Variants in CALD1 observed in about 807,000 individuals in gnomAD.
CALD1 encodes caldesmon 1, also known as caldesmon.
CALD1 carries 33 observed loss-of-function variants against 99.9 expected under a neutral mutation model. The ratio of observed to expected loss-of-function variants is 0.33; its 90% CI spans 0.25 to 0.44. The LOEUF (loss-of-function observed/expected upper bound fraction) is 0.44. CALD1 is among the 20% of genes least tolerant of loss of function. CALD1 has a pLI of 1.00. For synonymous variants in CALD1, 310 were observed against 325.0 expected (o/e 0.95, Z 0.50); for missense variants, 861 against 962.1 (o/e 0.89, Z 1.39).
chr7:134,941,245 G>T lies in CALD1; in HGVS notation c.1532+8G>T. 1 of 1,574,404 alleles carries T rather than the reference G, an allele frequency of 6.4e-7. No homozygotes were observed. Among genetic ancestry groups the T allele is most frequent in the South Asian group, 1.2e-5 (1 of 84,328 alleles). ...TACTGAGAATACTTTCAGGTAAGAA[G>T]TAGCAACTAGTTAATAGAAACTGTG... On this transcript the variant is annotated splice_region_variant and intron_variant, in intron 7 of 14. Transcript: ENST00000361675.
chr7:134,918,100 A>C (rs1214802696), intron 3 of CALD1, among the ~76,000 whole-genome samples: 2 of 152,250 alleles, frequency 1.3e-5, no homozygotes, highest in Non-Finnish European at 2.9e-5. Flanking sequence ...AGTTTATCTT[A>C]GGAAACTGTC....
intron 1 of CALD1, among the ~76,000 whole-genome samples, chr7:134,814,112 G>T (rs1199078023): frequency 6.6e-6 from 1 of 152,096 alleles, no homozygotes. Context: ...AACAAGGAGG[G>T]GTAGAGGATA....
At chr7:134,761,107 G>T (rs1455795535) in intron 1 of CALD1, among the ~76,000 whole-genome samples, 1 of 152,168 alleles carries the variant, frequency 6.6e-6, no homozygotes, top group Non-Finnish European at 1.5e-5. Flanking sequence ...ACCAGTCAGA[G>T]ATAAATCATT....
chr7:134,865,375 CATACCACA>C, intron 2 of CALD1, among the ~76,000 whole-genome samples: 1 of 152,076 alleles, frequency 6.6e-6, no homozygotes, highest in African/African-American at 2.4e-5. Flanking sequence ...CACCGAGAGT[CATACCACA>C]TGGTACACAG....
At chr7:134,860,570 G>C (rs978616595) in intron 2 of CALD1, among the ~76,000 whole-genome samples, 11 of 152,202 alleles carry the variant, frequency 7.2e-5, no homozygotes, top group African/African-American at 2.2e-4. Flanking sequence ...TAGAAATCCA[G>C]TGGCTCAAAT....
chr7:134,716,402 A>G, the CALD1 span, among the ~76,000 whole-genome samples: 1 of 152,218 alleles, frequency 6.6e-6, no homozygotes, highest in African/African-American at 2.4e-5. Flanking sequence ...TGAAATTTTG[A>G]TAGCTCCAGT....
chr7:134,773,642 C>T (rs1041767307), intron 1 of CALD1, among the ~76,000 whole-genome samples: 12 of 152,096 alleles, frequency 7.9e-5, no homozygotes, highest in African/African-American at 1.4e-4. Flanking sequence ...CATACACAAG[C>T]GTTCTTTTCT....
intron 7 of CALD1, among the ~76,000 whole-genome samples, chr7:134,945,474 T>C (rs1476828598): frequency 1.3e-5 from 2 of 152,218 alleles, no homozygotes; most frequent in Non-Finnish European, 2.9e-5. Flanking sequence ...GTACAACTAA[T>C]AGATAAGCAT....
chr7:134,757,347 TAC>T (rs1206171079), intron 1 of CALD1, among the ~76,000 whole-genome samples: 1 of 152,194 alleles, frequency 6.6e-6, no homozygotes, highest in Non-Finnish European at 1.5e-5. Flanking sequence ...TTCCATTCTC[TAC>T]GTTTCTCTAT....
intron 3 of CALD1, among the ~76,000 whole-genome samples, chr7:134,897,025 T>A (rs1802622124): frequency 6.6e-6 from 1 of 152,202 alleles, no homozygotes; most frequent in Non-Finnish European, 1.5e-5. Context: ...ACAATGAAGG[T>A]CTTGGAAACA....
chr7:134,826,284 A>G (rs1432711509), intron 1 of CALD1, among the ~76,000 whole-genome samples: 1 of 152,154 alleles, frequency 6.6e-6, no homozygotes, highest in African/African-American at 2.4e-5. Context: ...ACCCACGAGC[A>G]CAGCTGCCCA....
At chr7:134,864,707 T>C (rs1310454851) in intron 2 of CALD1, among the ~76,000 whole-genome samples, 2 of 152,188 alleles carry the variant, frequency 1.3e-5, no homozygotes, top group African/African-American at 4.8e-5. Context: ...GCCTGAAACC[T>C]TTAACACTGA....
At chr7:134,784,529 G>A (rs1797232986) in intron 1 of CALD1, among the ~76,000 whole-genome samples, 1 of 152,208 alleles carries the variant, frequency 6.6e-6, no homozygotes, top group Non-Finnish European at 1.5e-5. Flanking sequence ...GAGTAAAGAA[G>A]AAACAGCAAA....
At chr7:134,735,867 C>T in the CALD1 span, among the ~76,000 whole-genome samples, 2 of 152,056 alleles carry the variant, frequency 1.3e-5, no homozygotes, top group Non-Finnish European at 2.9e-5. Flanking sequence ...TGATAAAGTC[C>T]TTAAACACTA....
intron 1 of CALD1, among the ~76,000 whole-genome samples, chr7:134,753,092 T>C (rs1796699833): frequency 6.6e-6 from 1 of 150,706 alleles, no homozygotes; most frequent in African/African-American, 2.4e-5. Context: ...TCAGACAGAA[T>C]ATAATTAATG....
At chr7:134,727,360 C>T in the CALD1 span, among the ~76,000 whole-genome samples, 4 of 152,338 alleles carry the variant, frequency 2.6e-5, no homozygotes, top group African/African-American at 7.2e-5. Flanking sequence ...TGCCCACACC[C>T]GTCTTTGCTT....
chr7:134,896,441 A>G (rs1802580886), intron 3 of CALD1, among the ~76,000 whole-genome samples: 1 of 152,216 alleles, frequency 6.6e-6, no homozygotes, highest in Non-Finnish European at 1.5e-5. Context: ...TTTATAGATT[A>G]AAAATAAAAA....
chr7:134,738,686 C>A, the CALD1 span, among the ~76,000 whole-genome samples: 1 of 152,132 alleles, frequency 6.6e-6, no homozygotes, highest in Non-Finnish European at 1.5e-5. Context: ...GGACCAGCAT[C>A]GCGGCATGTC....
At chr7:134,778,753 C>A (rs779978618), upstream of CALD1, among the ~76,000 whole-genome samples, 7 of 152,148 alleles carry the variant, frequency 4.6e-5, no homozygotes, top group Non-Finnish European at 7.4e-5. Flanking sequence ...TCTGTCTACC[C>A]CAGCCCAAAG....
Sources: allele counts gnomAD v4.1 joint callset (sites outside exome capture counted in the v4.1 genomes callset), GRCh38; gene constraint gnomAD v4.1.1; transcripts MANE v1.5; gene names NCBI Gene and HGNC (gene_info 2026-07-23, HGNC 2026-07-21).